The following ULK4 variants were observed in gnomAD, a reference collection of about 807,000 sequenced individuals.
ULK4 encodes the protein inactive serine/threonine-protein kinase ULK4.
A neutral mutation model predicts 160.6 loss-of-function variants in ULK4; 133 were observed. The ratio of observed to expected loss-of-function variants is 0.83; its 90% CI spans 0.72 to 0.96. ULK4 has a LOEUF of 0.96. Ranked by LOEUF, ULK4 falls within the 40% of genes least tolerant of loss-of-function variation. ULK4 has a pLI of 0.00. For synonymous variants in ULK4, 534 were observed against 539.8 expected (o/e 0.99, Z 0.15); for missense variants, 1,580 against 1,499.5 (o/e 1.05, Z -0.89).
At chr3:41,603,164 A>T (rs1343485706) in intron 31 of ULK4, among the ~76,000 whole-genome samples, 1 of 152,144 alleles carries the variant, frequency 6.6e-6, no homozygotes, top group Non-Finnish European at 1.5e-5. Context: ...AAAAGAAAGC[A>T]GGTCTGGCTA....
At chr3:41,852,163 T>C (rs2042231393) in intron 17 of ULK4, among the ~76,000 whole-genome samples, 1 of 152,058 alleles carries the variant, frequency 6.6e-6, no homozygotes, top group African/African-American at 2.4e-5. Flanking sequence ...CCTCGACACA[T>C]ACACCCTCCC....
At chr3:41,491,783 A>C (rs980901252) in intron 32 of ULK4, among the ~76,000 whole-genome samples, 1 of 122,684 alleles carries the variant, frequency 8.2e-6, no homozygotes, top group African/African-American at 3.1e-5. Context: ...CACAATGTGC[A>C]GGTTAGTTAC....
chr3:41,736,905 A>C (rs2038072834), intron 22 of ULK4, among the ~76,000 whole-genome samples: 1 of 151,800 alleles, frequency 6.6e-6, no homozygotes, highest in Non-Finnish European at 1.5e-5. Context: ...TCAGCTTTCT[A>C]CATATGGCTA....
intron 27 of ULK4, among the ~76,000 whole-genome samples, chr3:41,698,100 C>T (rs750153314): frequency 1.3e-5 from 2 of 152,124 alleles, no homozygotes; most frequent in African/African-American, 2.4e-5. Flanking sequence ...TACCATATAG[C>T]CTAGGTGTGT....
At position 41,730,435 on chromosome 3, in the gene ULK4, T is replaced by C. The variant is rs1575617385; in HGVS notation, c.2322-12574A>G. Among the ~76,000 whole-genome samples the C allele has an allele frequency of 2.0e-5, 3 of 152,142 alleles. No homozygotes were observed. In the South Asian group the frequency reaches 6.2e-4, roughly 32 times the overall value. The stretch of plus-strand genomic sequence containing the variant: ...AATAAATAAACTCAGAGATAAAAAG[T>C]AGATATTACAATGTATGTCACAGAC... On this transcript the variant is annotated intron_variant, in intron 22 of 36. Coordinates refer to ENST00000301831, the MANE Select transcript of ULK4 (RefSeq NM_017886.4).
At chr3:41,728,907 T>C (rs2037737276) in intron 22 of ULK4, among the ~76,000 whole-genome samples, 2 of 152,164 alleles carry the variant, frequency 1.3e-5, no homozygotes, top group Non-Finnish European at 2.9e-5. Context: ...GCAAACTATA[T>C]GGCTTATAAA....
intron 2 of ULK4, among the ~76,000 whole-genome samples, chr3:41,953,519 T>G (rs1700373060): frequency 6.6e-6 from 1 of 151,666 alleles, no homozygotes; most frequent in African/African-American, 2.4e-5. Flanking sequence ...GTCAGGCTGG[T>G]CTCGAACCCA....
chr3:41,537,881 A>T (rs2086562490), intron 32 of ULK4, among the ~76,000 whole-genome samples: 1 of 151,472 alleles, frequency 6.6e-6, no homozygotes, highest in African/African-American at 2.4e-5. Context: ...AAATGCTAGC[A>T]CTCACTTCTC....
chr3:41,655,473 C>G (rs894306321), intron 30 of ULK4, among the ~76,000 whole-genome samples: 4 of 151,928 alleles, frequency 2.6e-5, no homozygotes, highest in Non-Finnish European at 4.4e-5. Context: ...CACATGTATA[C>G]ATATGTAACA....
At chr3:41,799,073 A>C (rs1362905107) in intron 20 of ULK4, among the ~76,000 whole-genome samples, 3 of 152,118 alleles carry the variant, frequency 2.0e-5, no homozygotes, top group African/African-American at 7.2e-5. Flanking sequence ...GAAAGTCATG[A>C]GTGAGGATAC....
At chr3:41,556,043 G>A (rs181828737) in intron 32 of ULK4, among the ~76,000 whole-genome samples, 2 of 152,256 alleles carry the variant, frequency 1.3e-5, no homozygotes, top group Admixed American at 6.5e-5. Context: ...AGGGTGGGAA[G>A]AGAAAGAGGA....
intron 32 of ULK4, among the ~76,000 whole-genome samples, chr3:41,488,102 A>G (rs1297426694): frequency 6.6e-6 from 1 of 152,254 alleles, no homozygotes; most frequent in Non-Finnish European, 1.5e-5. Context: ...CAAGGCATAG[A>G]ATTACATCTA....
intron 2 of ULK4, 47 bp from the exon 3 acceptor site, chr3:41,938,244 C>T (rs1170104194): frequency 6.8e-7 from 1 of 1,460,946 alleles, no homozygotes; most frequent in Admixed American, 1.9e-5. Flanking sequence ...TCCTAAAACT[C>T]TTACATCTAC....
At chr3:41,589,957 G>A (rs2031152933) in intron 31 of ULK4, among the ~76,000 whole-genome samples, 1 of 150,626 alleles carries the variant, frequency 6.6e-6, no homozygotes, top group African/African-American at 2.4e-5. Flanking sequence ...AGAGGAAAAT[G>A]AATAGAATGA....
At chr3:41,480,492 T>C (rs966636638) in intron 32 of ULK4, among the ~76,000 whole-genome samples, 1 of 152,074 alleles carries the variant, frequency 6.6e-6, no homozygotes, top group South Asian at 2.1e-4. Context: ...ACCTCTCCTC[T>C]TCCCTGTCCT....
At chr3:41,747,512 C>A (rs1290788921) in intron 22 of ULK4, among the ~76,000 whole-genome samples, 1 of 150,002 alleles carries the variant, frequency 6.7e-6, no homozygotes, top group East Asian at 1.9e-4. Flanking sequence ...GGAATTAAAA[C>A]TTGAATACTA....
chr3:41,769,969 C>T (rs7611941), intron 21 of ULK4, among the ~76,000 whole-genome samples: 2,246 of 152,226 alleles, frequency 0.015, 23 homozygotes, highest in Non-Finnish European at 0.023. Context: ...ACACTATTTT[C>T]CTATTTAATA....
intron 31 of ULK4, among the ~76,000 whole-genome samples, chr3:41,589,200 T>C (rs2031064565): frequency 6.6e-6 from 1 of 151,424 alleles, no homozygotes; most frequent in Non-Finnish European, 1.5e-5. Context: ...ACTGACCAGG[T>C]GTTCTACTAT....
rs199530742 is a variant in ULK4 at position 41,418,685 on chromosome 3, G to A, written c.3493-20421C>T. ...TTGGGACCATTCAGGACCCTAAGAG[G>A]ATGAGGTAGAGTTTTGCAGTCCCTA... On this transcript the variant is annotated intron_variant, in intron 34 of 36. Transcript: ENST00000301831. Among the ~76,000 whole-genome samples the A allele has an allele frequency of 5.3e-5, 6 of 113,102 alleles. No homozygotes were observed. In the East Asian group the frequency reaches 7.9e-4, roughly 15 times the overall value. The allele number at this position is 113,102 out of a possible 152,430, so 74.2% of individuals were successfully genotyped here.
Sources: allele counts gnomAD v4.1 joint callset (sites outside exome capture counted in the v4.1 genomes callset), GRCh38; gene constraint gnomAD v4.1.1; transcripts MANE v1.5; gene names NCBI Gene and HGNC (gene_info 2026-07-23, HGNC 2026-07-21).